The following GIN1 variants were observed in gnomAD, a reference collection of about 807,000 sequenced individuals.
The protein encoded by GIN1 is gypsy retrotransposon integrase 1.
GIN1 carries 41 observed loss-of-function variants against 51.4 expected under a neutral mutation model. The observed-to-expected ratio is 0.80, with a 90% CI of 0.62 to 1.04. The LOEUF (loss-of-function observed/expected upper bound fraction) is 1.04, where lower values mean the gene tolerates loss of function less well. Among genes scored for constraint, GIN1 ranks in the 50% least tolerant of loss-of-function variants. The probability of loss-of-function intolerance (pLI) is 0.00; values close to 1 mark genes in which losing one functional copy is unlikely to be tolerated. For synonymous variants in GIN1, 222 were observed against 206.5 expected (o/e 1.07, Z -0.64); for missense variants, 610 against 612.4 (o/e 1.00, Z 0.04).
chr5:103,103,151 G>A (rs1221317797), intron 4 of GIN1, among the ~76,000 whole-genome samples: 1 of 152,174 alleles, frequency 6.6e-6, no homozygotes, highest in Non-Finnish European at 1.5e-5. Context: ...TTCCTTCTGA[G>A]AGTCTGGAAT....
At chr5:103,088,970 A>T (rs1207065346) in intron 7 of GIN1, among the ~76,000 whole-genome samples, 4 of 152,240 alleles carry the variant, frequency 2.6e-5, no homozygotes, top group Admixed American at 6.5e-5. Flanking sequence ...TGGAAAGATA[A>T]TATCATCAAA....
chr5:103,107,646 G>T (rs539595602), intron 2 of GIN1, among the ~76,000 whole-genome samples: 2 of 152,180 alleles, frequency 1.3e-5, no homozygotes, highest in African/African-American at 4.8e-5. Context: ...CTAAGAGCAG[G>T]AACCTTATCT....
At chr5:103,110,380 T>C (rs1457790570) in intron 1 of GIN1, among the ~76,000 whole-genome samples, 2 of 152,124 alleles carry the variant, frequency 1.3e-5, no homozygotes, top group Non-Finnish European at 2.9e-5. Context: ...GCAAGGAACT[T>C]CTAAAAATCA....
At chr5:103,093,287 AG>A (rs1279536609) in intron 7 of GIN1, among the ~76,000 whole-genome samples, 5 of 152,188 alleles carry the variant, frequency 3.3e-5, no homozygotes, top group Non-Finnish European at 7.4e-5. Flanking sequence ...GCCAAGGTCA[AG>A]GGTCCTCAAA....
Position 103,106,879 on chromosome 5 carries a change from C to CT in GIN1, c.169dup (p.Arg57LysfsTer23). On this transcript the variant is annotated frameshift_variant, in exon 3 of 8. Transcript: ENST00000399004. LOFTEE classifies it high-confidence loss of function. ...AACAATTACCAAACGATTTTGTTTT[C>CT]TGTCTTTTCCAACATAAAACAGCTT... is the stretch of plus-strand genomic sequence containing the variant. The CT allele has an allele frequency of 6.3e-7, 1 of 1,578,014 alleles. No homozygotes were observed. Among genetic ancestry groups the CT allele is most frequent in the Non-Finnish European group, 8.6e-7 (1 of 1,164,104 alleles).
At chr5:103,108,043 C>T (rs1486254477) in intron 2 of GIN1, among the ~76,000 whole-genome samples, 2 of 151,946 alleles carry the variant, frequency 1.3e-5, no homozygotes, top group African/African-American at 2.4e-5. Context: ...AGATAAATAT[C>T]CCACTGCCTT....
At chr5:103,113,988 T>C (rs1266779682) in intron 1 of GIN1, among the ~76,000 whole-genome samples, 1 of 152,220 alleles carries the variant, frequency 6.6e-6, no homozygotes, top group Non-Finnish European at 1.5e-5. Context: ...CATCTTTTTC[T>C]CTTGGCATTC....
At chr5:103,116,224 G>A (rs1314872488) in intron 1 of GIN1, among the ~76,000 whole-genome samples, 2 of 152,036 alleles carry the variant, frequency 1.3e-5, no homozygotes, top group African/African-American at 4.8e-5. Flanking sequence ...CACATTATTT[G>A]GTTTCAGGAC....
chr5:103,106,754 A>G lies in GIN1; in HGVS notation c.295T>C (p.Tyr99His). ...TCATTGGTCACAGATGTCCAATAAT[A>G]ATTGGATTCTACCAGAGTGAGGGTC... ...SRTLTLVESN[Y>H]YWTSVTNDVK... is the part of the protein sequence containing the mutation. The change falls in exon 3 of 8, where the codon TAT becomes CAT. Residue 99 changes from tyrosine (Y) to histidine (H), a missense_variant. Tyr to His is a moderately conservative substitution (Grantham distance 83, BLOSUM62 2). Transcript: ENST00000399004. The G allele has an allele frequency of 1.3e-6, 2 of 1,599,598 alleles. No individual in the cohort carries two copies. The highest frequency in any genetic ancestry group is 1.7e-6 in the Non-Finnish European group (2 of 1,172,656).
At chr5:103,101,437 G>A (rs1038352051) in intron 4 of GIN1, among the ~76,000 whole-genome samples, 1 of 152,218 alleles carries the variant, frequency 6.6e-6, no homozygotes, top group Non-Finnish European at 1.5e-5. Flanking sequence ...TATAGGAACT[G>A]AAACCTCAGA....
chr5:103,106,816 T>A lies in GIN1; in HGVS notation c.233A>T (p.His78Leu), dbSNP rs370593318. Residue 78 changes from histidine (H) to leucine (L), a missense_variant, in exon 3 of 8, where the codon CAT (histidine) becomes CTT (leucine). By Grantham distance (99) the His-to-Leu change is moderately conservative (BLOSUM62 -3). Transcript: ENST00000399004. The part of the protein sequence containing the change: ...EEKKKVLREC[H>L]ENDSGAHHGI... Reference sequence around the variant, plus strand: ...ATGATGAGCTCCACTGTCATTTTCATGGCATTCTCTTAAGACTTTCTTTTT... The same window carrying A: ...ATGATGAGCTCCACTGTCATTTTCAAGGCATTCTCTTAAGACTTTCTTTTT... 3.7e-6 allele frequency: 6 copies of A among 1,603,694 alleles called. No individual in the cohort carries two copies. Among genetic ancestry groups the A allele is most frequent in the Non-Finnish European group, 5.1e-6 (6 of 1,172,802 alleles).
intron 1 of GIN1, among the ~76,000 whole-genome samples, chr5:103,116,171 A>C (rs538847300): frequency 3.9e-5 from 6 of 152,264 alleles, no homozygotes; most frequent in South Asian, 4.1e-4. Context: ...AGGACTCAGA[A>C]TAATTACAAC....
chr5:103,098,336 A>ACAG (rs1787467237), intron 4 of GIN1, among the ~76,000 whole-genome samples: 1 of 75,518 alleles, frequency 1.3e-5, no homozygotes, highest in African/African-American at 5.0e-5. Flanking sequence ...ATTAAACCTT[A>ACAG]CAAGTTTTTG....
rs1554195083 is a variant in GIN1, at chr5:103,096,588, A to G, written c.1247T>C (p.Ile416Thr). 2 of 1,613,586 alleles carry G rather than the reference A, an allele frequency of 1.2e-6. No individual in the cohort carries two copies. Among genetic ancestry groups the G allele is most frequent in the Middle Eastern group, 1.7e-4 (1 of 6,054 alleles). ...DNTGVRLKRP[I>T]KMSHLKPYIR... ...GTAGGGCTTAAGGTGGGACATTTTG[A>G]TAGGTCTTTTCAGTCTAACCCCAGT... The change falls in exon 7 of 8, where the codon ATC (isoleucine) becomes ACC (threonine). Residue 416 changes from isoleucine (I) to threonine (T), a missense_variant. By Grantham distance (89) the Ile-to-Thr change is moderately conservative. Transcript: ENST00000399004.
chr5:103,115,505 C>T (rs782625942), intron 1 of GIN1, among the ~76,000 whole-genome samples: 1 of 152,006 alleles, frequency 6.6e-6, no homozygotes, highest in Non-Finnish European at 1.5e-5. Context: ...ATGATGGTTG[C>T]ATAGAACAGG....
chr5:103,090,955 T>C (rs1787222439), intron 7 of GIN1, among the ~76,000 whole-genome samples: 1 of 152,120 alleles, frequency 6.6e-6, no homozygotes, highest in African/African-American at 2.4e-5. Context: ...AGTTAACCTT[T>C]AAAGTAACTT....
Position 103,104,719 on chromosome 5 carries a change from C to T in GIN1, c.461G>A (p.Ser154Asn). 1 of 1,612,610 alleles carries T rather than the reference C, an allele frequency of 6.2e-7. No homozygotes were observed. Among genetic ancestry groups the T allele is most frequent in the Non-Finnish European group, 8.5e-7 (1 of 1,178,666 alleles). Residue 154 changes from serine (S) to asparagine (N), a missense_variant, in exon 4 of 8, where the codon AGC becomes AAC. Ser to Asn is a conservative substitution (Grantham distance 46). Transcript: ENST00000399004. ...TVDLMGPFHTSNRSHVYAIIM... is the reference protein window; with the variant it reads ...TVDLMGPFHTNNRSHVYAIIM... ...TATAGCATATACATGACTTCTGTTG[C>T]TTGTATGAAAAGGCCCCATCAGATC...
At chr5:103,101,243 T>C (rs1482079646) in intron 4 of GIN1, among the ~76,000 whole-genome samples, 3 of 152,272 alleles carry the variant, frequency 2.0e-5, no homozygotes, top group Non-Finnish European at 4.4e-5. Flanking sequence ...AAGTGACTAA[T>C]GATGGGGAGA....
chr5:103,100,301 T>A (rs1258071473), intron 4 of GIN1, among the ~76,000 whole-genome samples: 1 of 151,962 alleles, frequency 6.6e-6, no homozygotes, highest in South Asian at 2.1e-4. Flanking sequence ...CATTTCACCA[T>A]GTTGCTTAGG....
Sources: gnomAD v4.1 joint callset for allele counts (sites outside exome capture counted in the v4.1 genomes callset) on GRCh38, gnomAD v4.1.1 for gene constraint, MANE v1.5 for transcripts, NCBI Gene and HGNC (gene_info 2026-07-23, HGNC 2026-07-21) for gene names.